Variants in NRXN3 observed in about 807,000 individuals in gnomAD.
The protein encoded by NRXN3 is neurexin 3, also known as neurexin III.
Under a neutral mutation model 137.6 loss-of-function variants are expected in NRXN3, and 32 were observed. The ratio of observed to expected loss-of-function variants is 0.23; its 90% CI spans 0.18 to 0.31. The LOEUF (loss-of-function observed/expected upper bound fraction) is 0.31. NRXN3 is among the 10% of genes least tolerant of loss of function. NRXN3 has a pLI of 1.00. For synonymous variants in NRXN3, 798 were observed against 784.5 expected (o/e 1.02, Z -0.29); for missense variants, 1,574 against 2,062.5 (o/e 0.76, Z 4.59).
At chr14:78,259,384 G>A (rs544912876) in intron 2 of NRXN3, among the ~76,000 whole-genome samples, 26 of 152,186 alleles carry the variant, frequency 1.7e-4, no homozygotes, top group Non-Finnish European at 2.9e-4. Flanking sequence ...TTGAGACCAC[G>A]TGAGTTAAAC....
intron 15 of NRXN3, among the ~76,000 whole-genome samples, chr14:79,289,459 A>C (rs1015385325): frequency 1.3e-5 from 2 of 152,084 alleles, no homozygotes; most frequent in African/African-American, 2.4e-5. Context: ...ATCTCTACTA[A>C]AAATAAAAAA....
intron 15 of NRXN3, among the ~76,000 whole-genome samples, chr14:79,037,748 A>T (rs1240173565): frequency 3.4e-5 from 2 of 59,098 alleles, no homozygotes; most frequent in Non-Finnish European, 7.2e-5. Context: ...AGTGGGCGTA[A>T]ATTCAGTCCG....
chr14:79,348,506 G>A (rs1313286075), intron 15 of NRXN3, among the ~76,000 whole-genome samples: 1 of 151,744 alleles, frequency 6.6e-6, no homozygotes, highest in Non-Finnish European at 1.5e-5. Flanking sequence ...CTCCTGAGTA[G>A]CTGGGACTAC....
intron 10 of NRXN3, among the ~76,000 whole-genome samples, chr14:78,926,699 ATATAT>A (rs1567721394): frequency 1.2e-4 from 11 of 91,410 alleles, no homozygotes; most frequent in Non-Finnish European, 2.2e-4. Context: ...TATATATAAA[ATATAT>A]ATTATATATT....
In NRXN3 at chr14:78,607,456, C is replaced by CCTCTTTTGGCTCAGTCCT. The variant is rs555992788; in HGVS notation, c.758-37661_758-37660insTTTTGGCTCAGTCCTCTC. ...CCGCTTCCCTGACACAGTGATCTCA[C>CCTCTTTTGGCTCAGTCCT]CTCCTTTGGCTCAGTCCTCTCCTTC... On this transcript the variant is annotated intron_variant, in intron 4 of 20. Transcript: ENST00000335750. Among the ~76,000 whole-genome samples, 584 of 152,266 alleles carry CCTCTTTTGGCTCAGTCCT rather than the reference C, an allele frequency of 3.8e-3. 5 individuals are homozygous for CCTCTTTTGGCTCAGTCCT. Among genetic ancestry groups the CCTCTTTTGGCTCAGTCCT allele is most frequent in the African/African-American group, 0.013 (534 of 41,546 alleles).
At chr14:78,729,121 T>G (rs751122014) in intron 8 of NRXN3, among the ~76,000 whole-genome samples, 2 of 152,216 alleles carry the variant, frequency 1.3e-5, no homozygotes, top group African/African-American at 2.4e-5. Flanking sequence ...TGGAGGAGTA[T>G]TATTATTCTT....
chr14:78,444,844 G>T (rs574014185), intron 4 of NRXN3, among the ~76,000 whole-genome samples: 1 of 141,046 alleles, frequency 7.1e-6, no homozygotes, highest in Non-Finnish European at 1.5e-5. Context: ...ACGTGAACCC[G>T]GGAGGCAGAG....
intron 4 of NRXN3, among the ~76,000 whole-genome samples, chr14:78,432,530 A>G (rs910352790): frequency 1.3e-5 from 2 of 152,192 alleles, no homozygotes; most frequent in African/African-American, 4.8e-5. Context: ...AAGCATGTGC[A>G]TGAGGAAGGA....
intron 10 of NRXN3, among the ~76,000 whole-genome samples, chr14:78,938,947 G>A (rs1174548594): frequency 1.3e-5 from 2 of 150,530 alleles, no homozygotes; most frequent in African/African-American, 4.9e-5. Context: ...TGGGGTTCAC[G>A]CCATTCTCCT....
At chr14:79,676,517 T>C (rs2098641712) in intron 17 of NRXN3, among the ~76,000 whole-genome samples, 1 of 151,886 alleles carries the variant, frequency 6.6e-6, no homozygotes, top group Non-Finnish European at 1.5e-5. Context: ...ACATAAGGAC[T>C]ATATTTAATA....
chr14:78,856,325 A>C (rs1225139841), intron 10 of NRXN3, among the ~76,000 whole-genome samples: 1 of 152,214 alleles, frequency 6.6e-6, no homozygotes, highest in Admixed American at 6.5e-5. Flanking sequence ...GATATATTCA[A>C]AATATAACTC....
intron 10 of NRXN3, among the ~76,000 whole-genome samples, chr14:78,884,352 A>G (rs895311977): frequency 7.9e-5 from 12 of 152,196 alleles, no homozygotes; most frequent in African/African-American, 2.9e-4. Flanking sequence ...GTCGGTGGAT[A>G]GCAATTACCA....
chr14:79,077,529 A>G (rs1467598821), intron 15 of NRXN3, among the ~76,000 whole-genome samples: 3 of 152,196 alleles, frequency 2.0e-5, no homozygotes, highest in Admixed American at 2.0e-4. Context: ...GATATGTACT[A>G]GGCTTCTGCT....
At chr14:79,684,758 C>T (rs1001191519) in intron 17 of NRXN3, among the ~76,000 whole-genome samples, 3 of 152,052 alleles carry the variant, frequency 2.0e-5, no homozygotes, top group South Asian at 2.1e-4. Flanking sequence ...AAAAACCTTG[C>T]GTTTGATGTT....
chr14:79,711,456 T>C (rs4903870), intron 19 of NRXN3, among the ~76,000 whole-genome samples: 50,245 of 151,324 alleles, frequency 0.33, 8,772 homozygotes, highest in African/African-American at 0.42. Context: ...TGTATATATG[T>C]ATATATATTT....
At chr14:78,946,354 C>G (rs1245887948) in intron 10 of NRXN3, among the ~76,000 whole-genome samples, 1 of 152,174 alleles carries the variant, frequency 6.6e-6, no homozygotes, top group Non-Finnish European at 1.5e-5. Flanking sequence ...GAGGAACAGA[C>G]AGTTGATGAC....
chr14:78,641,458 C>T lies in NRXN3; in HGVS notation c.758-3662C>T, dbSNP rs1036284161. Among the ~76,000 whole-genome samples the T allele has an allele frequency of 8.5e-5, 13 of 152,138 alleles. 1 individual carries two copies. The East Asian group carries it at 1.9e-3, about 23-fold the overall frequency. On this transcript the variant is annotated intron_variant, in intron 4 of 20. Coordinates refer to ENST00000335750, the MANE Select transcript of NRXN3 (RefSeq NM_001330195.2). ...CTGCACTCCAGCCTGGGGGACAGAG[C>T]GAGACTCTGTCTCAAGAAAAAAAGA...
At chr14:78,502,754 C>A (rs1599565616) in intron 4 of NRXN3, among the ~76,000 whole-genome samples, 1 of 152,168 alleles carries the variant, frequency 6.6e-6, no homozygotes, top group Non-Finnish European at 1.5e-5. Context: ...ATCTCCCTCA[C>A]CCTTCCATTC....
intron 15 of NRXN3, among the ~76,000 whole-genome samples, chr14:79,147,157 C>T (rs1473089979): frequency 4.6e-5 from 7 of 152,254 alleles, no homozygotes; most frequent in East Asian, 3.9e-4. Flanking sequence ...GTTTCCCAGT[C>T]AAAGTTTCTT....
Sources: gnomAD v4.1 joint callset for allele counts (sites outside exome capture counted in the v4.1 genomes callset) on GRCh38, gnomAD v4.1.1 for gene constraint, MANE v1.5 for transcripts, NCBI Gene and HGNC (gene_info 2026-07-23, HGNC 2026-07-21) for gene names.